The following EFR3A variants were observed in gnomAD, a reference collection of about 807,000 sequenced individuals.
The protein encoded by EFR3A is protein EFR3 homolog A.
In EFR3A, 76 loss-of-function variants were observed where a neutral mutation model predicts 104.4. That is an observed-to-expected ratio of 0.73 (90% confidence interval 0.60 to 0.88). The LOEUF is 0.88. EFR3A is among the 40% of genes least tolerant of loss of function. The pLI, the probability that EFR3A is intolerant of heterozygous loss-of-function variation, is 0.00. For synonymous variants in EFR3A, 330 were observed against 330.0 expected, an observed-to-expected ratio of 1.00 and a Z score of 0.00; for missense variants, 985 against 1,012.5, an observed-to-expected ratio of 0.97 and a Z score of 0.37.
chr8:132,003,389 G>C, intron 22 of EFR3A, 104 bp downstream of exon 22: 5 of 1,043,192 alleles, frequency 4.8e-6, no homozygotes, highest in Non-Finnish European at 4.3e-6. Context: ...TCATGTTAAA[G>C]TAATGCTTTT....
chr8:132,012,828 C>T lies in EFR3A; in HGVS notation c.*1933C>T, dbSNP rs1325880330. 2.0e-5 allele frequency: 3 copies of T among 152,158 alleles called. No homozygotes were observed. The highest frequency in any genetic ancestry group is 2.9e-5 in the Non-Finnish European group (2 of 67,998). 9.4% of individuals were successfully genotyped at this position (152,158 alleles called of 1,614,324 possible). ...ACACAAACTTTGCTCTACAAAATTT[C>T]GTGTTTCTTAGTGATTTTAAAATGC... is the stretch of plus-strand genomic sequence containing the variant. On this transcript the variant is annotated 3_prime_UTR_variant, in exon 23 of 23. Transcript: ENST00000254624.
chr8:131,985,803 G>T (rs757869758), intron 16 of EFR3A, among the ~76,000 whole-genome samples: 2 of 152,194 alleles, frequency 1.3e-5, no homozygotes, highest in Non-Finnish European at 2.9e-5. Flanking sequence ...CCACACAAGT[G>T]CCTGGAGACC....
chr8:131,963,007 T>C (rs1160099757), intron 8 of EFR3A, among the ~76,000 whole-genome samples: 2 of 150,530 alleles, frequency 1.3e-5, no homozygotes, highest in East Asian at 3.9e-4. Context: ...AATGAAGATG[T>C]TCTTTGAAAC....
intron 1 of EFR3A, among the ~76,000 whole-genome samples, chr8:131,904,630 A>C (rs1035396981): frequency 6.6e-6 from 1 of 152,244 alleles, no homozygotes; most frequent in Non-Finnish European, 1.5e-5. Context: ...TCCCACGGCC[A>C]CACGGCTTCG....
Position 132,011,206 on chromosome 8 carries a change from T to C in EFR3A, c.*311T>C. Reference sequence around the variant, plus strand: ...TTTTAAACTTTTCACAAATGTAATGTTTTTTAAAAAGTAAGCCTTCAGAGG... The same window carrying C: ...TTTTAAACTTTTCACAAATGTAATGCTTTTTAAAAAGTAAGCCTTCAGAGG... On this transcript the variant is annotated 3_prime_UTR_variant, in exon 23 of 23. Transcript: ENST00000254624. 1 of 1,023,770 alleles carries C rather than the reference T, an allele frequency of 9.8e-7. No individual in the cohort carries two copies. Among genetic ancestry groups the C allele is most frequent in the Non-Finnish European group, 1.2e-6 (1 of 853,082 alleles). The allele number at this position is 1,023,770 out of a possible 1,614,324, so 63.4% of individuals were successfully genotyped here. A position where few individuals can be genotyped will look rare whatever the true frequency, so the allele number is the denominator to read the frequency against.
Position 131,959,595 on chromosome 8 carries a change from C to A in EFR3A, c.787C>A (p.His263Asn). 6.2e-7 allele frequency: 1 copy of A among 1,611,178 alleles called. No homozygotes were observed. The highest frequency in any genetic ancestry group is 1.7e-5 in the Admixed American group (1 of 59,562). Residue 263 changes from histidine to asparagine, a missense_variant, in exon 8 of 23, where the codon CAT becomes AAT. Physicochemically the swap from His to Asn is moderately conservative, Grantham distance 68. Transcript: ENST00000254624. ...AVRPVFAHLDHHKLWDPNEFA... is the reference protein window; with the variant it reads ...AVRPVFAHLDNHKLWDPNEFA... ...TTTTGTTATTTGCAGGCATTTAGAT[C>A]ATCACAAACTGTGGGATCCCAATGA...
chr8:131,914,178 T>A (rs1422723377), intron 1 of EFR3A, among the ~76,000 whole-genome samples: 1 of 152,182 alleles, frequency 6.6e-6, no homozygotes, highest in Admixed American at 6.5e-5. Flanking sequence ...ACACCTAAGA[T>A]TCTGGCTCTA....
intron 1 of EFR3A, among the ~76,000 whole-genome samples, chr8:131,915,044 C>T (rs905497639): frequency 2.0e-5 from 3 of 152,272 alleles, no homozygotes; most frequent in Middle Eastern, 3.4e-3. Flanking sequence ...TTTTCTTCAT[C>T]CAGTCTGTCA....
At chr8:131,912,804 A>G (rs1374478515) in intron 1 of EFR3A, among the ~76,000 whole-genome samples, 7 of 152,112 alleles carry the variant, frequency 4.6e-5, no homozygotes, top group Admixed American at 4.6e-4. Context: ...GTTTTTCTTT[A>G]GCCTGTAGAA....
intron 1 of EFR3A, among the ~76,000 whole-genome samples, chr8:131,913,718 G>A (rs182508366): frequency 1.3e-5 from 2 of 152,218 alleles, no homozygotes; most frequent in African/African-American, 4.8e-5. Flanking sequence ...TGGTGTTTTT[G>A]AACAGCTGTC....
At chr8:131,963,449 A>G (rs1322458524) in intron 8 of EFR3A, among the ~76,000 whole-genome samples, 8 of 152,150 alleles carry the variant, frequency 5.3e-5, no homozygotes, top group African/African-American at 1.7e-4. Flanking sequence ...ACACCTCTAC[A>G]CAAATAAACT....
chr8:131,921,122 C>CTGTT, intron 1 of EFR3A, among the ~76,000 whole-genome samples: 1 of 152,228 alleles, frequency 6.6e-6, no homozygotes, highest in Admixed American at 6.5e-5. Flanking sequence ...GTTTGCTGAG[C>CTGTT]TGTTGTAACA....
At chr8:131,980,327 A>C (rs1217470191) in intron 14 of EFR3A, among the ~76,000 whole-genome samples, 3 of 152,174 alleles carry the variant, frequency 2.0e-5, no homozygotes, top group African/African-American at 7.2e-5. Context: ...CATTTAAAAA[A>C]TAATTTACAA....
intron 3 of EFR3A, among the ~76,000 whole-genome samples, chr8:131,945,594 G>A (rs1818398414): frequency 6.6e-6 from 1 of 151,870 alleles, no homozygotes; most frequent in African/African-American, 2.4e-5. Flanking sequence ...GTTGATTGTT[G>A]AAGGAAAAGT....
intron 11 of EFR3A, among the ~76,000 whole-genome samples, chr8:131,976,712 A>G (rs1358379000): frequency 6.6e-6 from 1 of 152,094 alleles, no homozygotes; most frequent in Non-Finnish European, 1.5e-5. Context: ...GATTATATTC[A>G]TCAACTATGT....
Position 131,996,401 on chromosome 8 carries a change from T to A in EFR3A, c.2066-5T>A. On this transcript the variant is annotated splice_polypyrimidine_tract_variant and splice_region_variant and intron_variant, in intron 18 of 22. Transcript: ENST00000254624. ...AATAATGGGAAGAAAACAATTTTAT[T>A]TTAGATGAAGATCGACTTTCTAGAA... is the stretch of plus-strand genomic sequence containing the variant. 1 of 1,556,292 alleles carries A rather than the reference T, an allele frequency of 6.4e-7. No individual in the cohort carries two copies. Among genetic ancestry groups the A allele is most frequent in the South Asian group, 1.2e-5 (1 of 82,996 alleles).
In EFR3A at chr8:131,959,614, C is replaced by T. The variant is rs537090230; in HGVS notation, c.806C>T (p.Pro269Leu). ...AHLDHHKLWD[P>L]NEFAVHCFKI... is the part of the protein sequence containing the mutation. ...TTAGATCATCACAAACTGTGGGATC[C>T]CAATGAATTTGCAGTTCACTGCTTT... Residue 269 changes from proline (P) to leucine (L), a missense_variant, in exon 8 of 23, where the codon CCC (proline) becomes CTC (leucine). Physicochemically the swap from Pro to Leu is moderately conservative, Grantham distance 98. Transcript: ENST00000254624. 1.9e-6 allele frequency: 3 copies of T among 1,611,188 alleles called. No homozygotes were observed. The highest frequency in any genetic ancestry group is 2.7e-5 in the African/African-American group (2 of 74,886).
chr8:131,979,622 G>T (rs1820505420), intron 14 of EFR3A, among the ~76,000 whole-genome samples: 1 of 152,042 alleles, frequency 6.6e-6, no homozygotes, highest in South Asian at 2.1e-4. Context: ...GCATTCTATT[G>T]TTGGGCTGCT....
At chr8:131,937,314 C>T (rs1293687371) in intron 1 of EFR3A, among the ~76,000 whole-genome samples, 2 of 151,844 alleles carry the variant, frequency 1.3e-5, no homozygotes, top group South Asian at 2.1e-4. Context: ...AATTTAATAC[C>T]CTTAACTGTG....
Sources: gnomAD v4.1 joint callset for allele counts (sites outside exome capture counted in the v4.1 genomes callset) on GRCh38, gnomAD v4.1.1 for gene constraint, MANE v1.5 for transcripts, NCBI Gene and HGNC (gene_info 2026-07-23, HGNC 2026-07-21) for gene names.